The following FBN1 variants were observed in gnomAD, a reference collection of about 807,000 sequenced individuals.
FBN1 encodes fibrillin 1, also known as fibrillin-1.
In FBN1, 29 loss-of-function variants were observed where a neutral mutation model predicts 365.1. The observed-to-expected ratio is 0.08, with a 90% CI of 0.06 to 0.11. The LOEUF (loss-of-function observed/expected upper bound fraction) is 0.11, where lower values mean the gene tolerates loss of function less well. FBN1 is among the 10% of genes least tolerant of loss of function. The pLI, the probability that FBN1 is intolerant of heterozygous loss-of-function variation, is 1.00. For missense variants in FBN1, 2,476 were observed against 3,703.2 expected (o/e 0.67, Z 8.60); for synonymous variants, 1,210 against 1,270.5 (o/e 0.95, Z 1.01).
chr15:48,526,362 C>G, intron 8 of FBN1, 107 bp from the exon 9 acceptor site: 1 of 1,236,538 alleles, frequency 8.1e-7, no homozygotes, highest in Non-Finnish European at 1.2e-6. Context: ...TCCCTGGAAA[C>G]AGCCATCATT....
chr15:48,540,752 T>C (rs1382267822), intron 6 of FBN1, among the ~76,000 whole-genome samples: 2 of 152,208 alleles, frequency 1.3e-5, no homozygotes, highest in Non-Finnish European at 2.9e-5. Context: ...GAATTTAGGC[T>C]TGTTTCTTTC....
intron 8 of FBN1, among the ~76,000 whole-genome samples, chr15:48,526,850 G>C (rs888190063): frequency 6.6e-6 from 1 of 152,166 alleles, no homozygotes; most frequent in Admixed American, 6.5e-5. Context: ...CTTCAAAGAG[G>C]GACTTGCTGC....
intron 32 of FBN1, among the ~76,000 whole-genome samples, chr15:48,475,943 T>G (rs2043414966): frequency 6.6e-6 from 1 of 152,222 alleles, no homozygotes; most frequent in African/African-American, 2.4e-5. Context: ...AGAATGTCCT[T>G]TCAGTCATGA....
rs117491360 is a variant in FBN1 at position 48,553,215 on chromosome 15, T to C, written c.539-15407A>G. On this transcript the variant is annotated intron_variant, in intron 6 of 65. Coordinates refer to ENST00000316623, the MANE Select transcript of FBN1 (RefSeq NM_000138.5). ...TATTTTGAATGTGATATGCCCTATA[T>C]ACTACCGTCAATTGAAAGTAAAGAC... Among the ~76,000 whole-genome samples the C allele has an allele frequency of 3.0e-4, 45 of 152,326 alleles. 2 individuals are homozygous for C. In the East Asian group the frequency reaches 8.7e-3, roughly 29 times the overall value.
rs962748908 is a variant in FBN1, at chr15:48,409,192, T to A, written c.*1798A>T. 1 of 152,192 alleles carries A rather than the reference T, an allele frequency of 6.6e-6. No individual in the cohort carries two copies. Among genetic ancestry groups the A allele is most frequent in the Non-Finnish European group, 1.5e-5 (1 of 68,032 alleles). The allele number at this position is 152,192 out of a possible 1,614,324, so 9.4% of individuals were successfully genotyped here. ...GTTGCCATTAAGCCTAGACTGAAAC[T>A]CTTCTATCTTGTGACAGGGAGCTCA... On this transcript the variant is annotated 3_prime_UTR_variant, in exon 66 of 66. Coordinates refer to ENST00000316623, the MANE Select transcript of FBN1 (RefSeq NM_000138.5).
chr15:48,472,799 A>G, intron 34 of FBN1, 123 bp from the exon 35 acceptor site: 1 of 1,355,706 alleles, frequency 7.4e-7, no homozygotes, highest in East Asian at 2.4e-5. Context: ...ATTTAAAGTC[A>G]TTTATTTTTC....
intron 36 of FBN1, among the ~76,000 whole-genome samples, chr15:48,469,599 T>A (rs914744048): frequency 3.9e-5 from 6 of 152,120 alleles, no homozygotes; most frequent in Admixed American, 2.6e-4. Context: ...ACAACACCTT[T>A]GCCTTGGTCC....
chr15:48,499,328 G>C (rs1021510595), intron 17 of FBN1, among the ~76,000 whole-genome samples: 10 of 152,178 alleles, frequency 6.6e-5, no homozygotes, highest in African/African-American at 2.4e-4. Flanking sequence ...GTTCACCAGG[G>C]AACACTTTAC....
At chr15:48,639,904 C>A (rs968238398) in intron 2 of FBN1, among the ~76,000 whole-genome samples, 1 of 152,072 alleles carries the variant, frequency 6.6e-6, no homozygotes, top group African/African-American at 2.4e-5. Context: ...GAAAATAAAG[C>A]TAAAACTCCC....
At chr15:48,519,589 T>C (rs1380032031) in intron 10 of FBN1, among the ~76,000 whole-genome samples, 2 of 152,140 alleles carry the variant, frequency 1.3e-5, no homozygotes, top group African/African-American at 2.4e-5. Flanking sequence ...GGGATATTCA[T>C]GGATTAGGTC....
At chr15:48,424,740 T>C (rs1184419592) in intron 60 of FBN1, among the ~76,000 whole-genome samples, 2 of 152,210 alleles carry the variant, frequency 1.3e-5, no homozygotes, top group Non-Finnish European at 1.5e-5. Flanking sequence ...AAATATAATG[T>C]TCTTATTGTG....
At chr15:48,496,793 G>T (rs931689800) in intron 19 of FBN1, among the ~76,000 whole-genome samples, 1 of 152,134 alleles carries the variant, frequency 6.6e-6, no homozygotes, top group Non-Finnish European at 1.5e-5. Context: ...AAAACTGCTT[G>T]CTTTTAGCTG....
At chr15:48,551,959 T>C (rs1597601027) in intron 6 of FBN1, among the ~76,000 whole-genome samples, 1 of 152,200 alleles carries the variant, frequency 6.6e-6, no homozygotes, top group East Asian at 1.9e-4. Context: ...AGTGCTGCAA[T>C]GAGCATACAC....
At chr15:48,516,082 T>C in intron 11 of FBN1, 101 bp downstream of exon 11, 2 of 1,186,424 alleles carry the variant, frequency 1.7e-6, no homozygotes, top group Non-Finnish European at 2.4e-6. Context: ...ATATAACAAT[T>C]TACAAACTTA....
intron 49 of FBN1, among the ~76,000 whole-genome samples, chr15:48,442,232 A>G (rs759861661): frequency 1.3e-5 from 2 of 152,188 alleles, no homozygotes; most frequent in African/African-American, 2.4e-5. Flanking sequence ...TGAGACTTTA[A>G]GCACATTGCT....
intron 50 of FBN1, among the ~76,000 whole-genome samples, chr15:48,438,806 T>C (rs1032952515): frequency 7.2e-5 from 11 of 152,218 alleles, no homozygotes; most frequent in African/African-American, 2.7e-4. Context: ...TTTCCATTTC[T>C]CATACAACAC....
chr15:48,644,477 C>T (rs1294904557), intron 2 of FBN1, 129 bp downstream of exon 2: 1 of 1,332,286 alleles, frequency 7.5e-7, no homozygotes, highest in Non-Finnish European at 1.1e-6. Context: ...ACTAAACAAC[C>T]CTAGCACCTC....
chr15:48,548,441 G>T (rs556312219), intron 6 of FBN1, among the ~76,000 whole-genome samples: 1 of 152,350 alleles, frequency 6.6e-6, no homozygotes, highest in South Asian at 2.1e-4. Context: ...GGCCACTCTA[G>T]TTCTAGCTAA....
chr15:48,545,719 AAC>A (rs1424657441), intron 6 of FBN1, among the ~76,000 whole-genome samples: 1 of 152,218 alleles, frequency 6.6e-6, no homozygotes, highest in African/African-American at 2.4e-5. Context: ...TGTATACTTT[AAC>A]ACAATAAAAA....
Sources: gnomAD v4.1 joint callset for allele counts (sites outside exome capture counted in the v4.1 genomes callset) on GRCh38, gnomAD v4.1.1 for gene constraint, MANE v1.5 for transcripts, NCBI Gene and HGNC (gene_info 2026-07-23, HGNC 2026-07-21) for gene names.